BACH2: variants seen among roughly 807,000 people sequenced by gnomAD.
BACH2 encodes the protein BACH transcriptional regulator 2.
Under a neutral mutation model 61.8 loss-of-function variants are expected in BACH2, and 5 were observed. The observed-to-expected ratio is 0.08, with a 90% CI of 0.04 to 0.17. The LOEUF (loss-of-function observed/expected upper bound fraction) is 0.17, where lower values mean the gene tolerates loss of function less well. BACH2 is among the 10% of genes least tolerant of loss of function. BACH2 has a pLI of 1.00. For synonymous variants in BACH2, 446 were observed against 440.1 expected (o/e 1.01, Z -0.17); for missense variants, 824 against 1,091.1 (o/e 0.76, Z 3.45).
chr6:89,975,114 C>G (rs1297884129), intron 6 of BACH2, among the ~76,000 whole-genome samples: 2 of 152,146 alleles, frequency 1.3e-5, no homozygotes, highest in East Asian at 3.9e-4. Context: ...TGAAAAAAAT[C>G]CCATTGATTT....
rs151285957 is a variant in BACH2 at position 90,235,226 on chromosome 6, T to C, written c.-275+17287A>G. Among the ~76,000 whole-genome samples the C allele has an allele frequency of 7.2e-5, 11 of 152,266 alleles. No homozygotes were observed. The East Asian group carries it at 2.1e-3, about 29-fold the overall frequency. ...TGGTTGCATTCATAGAAAGGAAGAT[T>C]AGTGTGTGGTTAAAAGCAAAGGTAT... is the stretch of plus-strand genomic sequence containing the variant. On this transcript the variant is annotated intron_variant, in intron 3 of 8. Coordinates refer to ENST00000257749, the MANE Select transcript of BACH2 (RefSeq NM_021813.4).
Position 90,292,158 on chromosome 6 carries a change from T to C in BACH2, c.-446+4322A>G, listed in dbSNP as rs576048341. 2.0e-5 allele frequency among the ~76,000 whole-genome samples: 3 copies of C among 152,330 alleles called. No individual in the cohort carries two copies. In the South Asian group the frequency reaches 6.2e-4, roughly 32 times the overall value. ...GTGTAATGGAATGGGGAAATAACCT[T>C]CAGACATTCAAGAAAACATGCACTA... is the stretch of plus-strand genomic sequence containing the variant. On this transcript the variant is annotated intron_variant, in intron 1 of 8. Coordinates refer to ENST00000257749, the MANE Select transcript of BACH2 (RefSeq NM_021813.4).
At chr6:89,971,648 C>T (rs1775365062) in intron 6 of BACH2, among the ~76,000 whole-genome samples, 1 of 152,150 alleles carries the variant, frequency 6.6e-6, no homozygotes, top group Admixed American at 6.5e-5. Context: ...AATGGACTCA[C>T]AGTTCCACAT....
chr6:90,244,604 C>T (rs921037751), intron 3 of BACH2, among the ~76,000 whole-genome samples: 24 of 152,198 alleles, frequency 1.6e-4, no homozygotes, highest in African/African-American at 5.8e-4. Context: ...CCCCTCCCCC[C>T]TTCACACGCG....
At chr6:90,129,669 G>A (rs1370749398) in intron 4 of BACH2, among the ~76,000 whole-genome samples, 1 of 152,096 alleles carries the variant, frequency 6.6e-6, no homozygotes, top group Non-Finnish European at 1.5e-5. Flanking sequence ...TATCCTTGAA[G>A]AGGTCCTTCA....
intron 7 of BACH2, among the ~76,000 whole-genome samples, chr6:89,938,965 T>C (rs967089568): frequency 4.6e-5 from 7 of 152,214 alleles, no homozygotes; most frequent in Non-Finnish European, 1.0e-4. Context: ...TTCAATTTCC[T>C]CATCTGAAAA....
At chr6:90,191,659 C>A (rs746125755) in intron 4 of BACH2, among the ~76,000 whole-genome samples, 3 of 152,110 alleles carry the variant, frequency 2.0e-5, no homozygotes, top group Non-Finnish European at 4.4e-5. Context: ...AGGGTCTCTG[C>A]GTTTCCCCAT....
intron 2 of BACH2, among the ~76,000 whole-genome samples, chr6:90,263,616 G>A (rs576792152): frequency 6.6e-6 from 1 of 152,254 alleles, no homozygotes; most frequent in African/African-American, 2.4e-5. Context: ...TATAAGAGTA[G>A]CATTTTTTCT....
intron 4 of BACH2, among the ~76,000 whole-genome samples, chr6:90,195,891 C>A (rs1768741462): frequency 6.6e-6 from 1 of 152,160 alleles, no homozygotes; most frequent in African/African-American, 2.4e-5. Flanking sequence ...AAACAAGCAA[C>A]ATAAAGAGAA....
intron 7 of BACH2, among the ~76,000 whole-genome samples, chr6:89,945,190 A>C (rs1364674747): frequency 1.3e-5 from 2 of 152,216 alleles, no homozygotes; most frequent in African/African-American, 4.8e-5. Context: ...ATAACTGAAA[A>C]CATGTCTTAA....
chr6:90,107,523 T>C (rs1782976792), intron 4 of BACH2, among the ~76,000 whole-genome samples: 2 of 152,204 alleles, frequency 1.3e-5, no homozygotes, highest in Non-Finnish European at 2.9e-5. Flanking sequence ...TTCTTAGTCC[T>C]ACAATGCAGA....
At chr6:90,290,681 T>C (rs1352400324) in intron 1 of BACH2, among the ~76,000 whole-genome samples, 1 of 152,226 alleles carries the variant, frequency 6.6e-6, no homozygotes, top group African/African-American at 2.4e-5. Flanking sequence ...CACATTGGGA[T>C]CTCCCAACTT....
At chr6:90,272,641 C>T (rs531990731) in intron 1 of BACH2, among the ~76,000 whole-genome samples, 1 of 152,226 alleles carries the variant, frequency 6.6e-6, no homozygotes, top group Non-Finnish European at 1.5e-5. Context: ...ATCCTCCCAG[C>T]CAACCAAGCT....
At chr6:90,279,766 CTTATT>C (rs1186263147) in intron 1 of BACH2, among the ~76,000 whole-genome samples, 6 of 152,112 alleles carry the variant, frequency 3.9e-5, no homozygotes, top group Admixed American at 2.0e-4. Flanking sequence ...TATTTTATCT[CTTATT>C]TTAAGTCATT....
chr6:90,099,439 C>T (rs141293045), intron 4 of BACH2, among the ~76,000 whole-genome samples: 35 of 152,270 alleles, frequency 2.3e-4, no homozygotes, highest in Middle Eastern at 6.8e-3. Flanking sequence ...AGTACAGTGG[C>T]GTGATCATAG....
At chr6:90,167,167 T>C (rs1220579597) in intron 4 of BACH2, among the ~76,000 whole-genome samples, 1 of 152,186 alleles carries the variant, frequency 6.6e-6, no homozygotes, top group Non-Finnish European at 1.5e-5. Context: ...TGTCAACTCC[T>C]ATTTGTATCA....
intron 5 of BACH2, among the ~76,000 whole-genome samples, chr6:90,021,800 T>G (rs545230350): frequency 6.6e-6 from 1 of 152,212 alleles, no homozygotes; most frequent in Non-Finnish European, 1.5e-5. Context: ...AATGGAAAAC[T>G]GCAGTGCTTG....
intron 4 of BACH2, among the ~76,000 whole-genome samples, chr6:90,154,635 C>T (rs1264237578): frequency 6.6e-6 from 1 of 152,184 alleles, no homozygotes; most frequent in Non-Finnish European, 1.5e-5. Flanking sequence ...CCCAGCCTTG[C>T]TCCCAAGGAG....
chr6:90,177,464 C>T (rs531804082), intron 4 of BACH2, among the ~76,000 whole-genome samples: 51 of 152,258 alleles, frequency 3.3e-4, no homozygotes, highest in East Asian at 5.8e-4. Context: ...CTTTTACAAA[C>T]GAGGAAACTG....
Sources: allele counts gnomAD v4.1 joint callset (sites outside exome capture counted in the v4.1 genomes callset), GRCh38; gene constraint gnomAD v4.1.1; transcripts MANE v1.5; gene names NCBI Gene and HGNC (gene_info 2026-07-23, HGNC 2026-07-21).